The following TMEM255B variants were observed in gnomAD, a reference collection of about 807,000 sequenced individuals.
TMEM255B encodes the protein transmembrane protein 255B.
A neutral mutation model predicts 34.5 loss-of-function variants in TMEM255B; 35 were observed. The ratio of observed to expected loss-of-function variants is 1.01; its 90% CI spans 0.77 to 1.34. TMEM255B has a LOEUF of 1.34. Among genes scored for constraint, TMEM255B ranks in the 40% most tolerant of loss-of-function variants. TMEM255B has a pLI of 0.00. For synonymous variants in TMEM255B, 206 were observed against 201.2 expected (o/e 1.02, Z -0.20); for missense variants, 432 against 433.2 (o/e 1.00, Z 0.02).
intron 7 of TMEM255B, among the ~76,000 whole-genome samples, chr13:113,804,332 C>T (rs1441484523): frequency 6.6e-6 from 1 of 152,212 alleles, no homozygotes; most frequent in Non-Finnish European, 1.5e-5. Context: ...GGGGCACAGG[C>T]TTGGGGAAGC....
chr13:113,775,965 T>C (rs2050570481), intron 3 of TMEM255B, among the ~76,000 whole-genome samples: 1 of 152,184 alleles, frequency 6.6e-6, no homozygotes, highest in Non-Finnish European at 1.5e-5. Context: ...TCGGCAGGTC[T>C]CTGTGTGCAG....
At position 113,801,746 on chromosome 13, in the gene TMEM255B, T is replaced by TCTGAACGTC. The variant is rs1161325678; in HGVS notation, c.607_615dup (p.Asn203_Leu205dup). On this transcript the variant is annotated inframe_insertion, in exon 7 of 9. Coordinates refer to ENST00000375353, the MANE Select transcript of TMEM255B (RefSeq NM_182614.4). The stretch of plus-strand genomic sequence containing the variant: ...ACCGCCTGCTCTGGGCCTCTGCAGT[T>TCTGAACGTC]CTGAACGTCCTGGGCCTGTTCCTGG... The TCTGAACGTC allele has an allele frequency of 6.2e-7, 1 of 1,613,050 alleles. No homozygotes were observed. Among genetic ancestry groups the TCTGAACGTC allele is most frequent in the Non-Finnish European group, 8.5e-7 (1 of 1,179,722 alleles).
intron 3 of TMEM255B, among the ~76,000 whole-genome samples, chr13:113,776,435 C>T (rs2050579120): frequency 6.6e-6 from 1 of 152,208 alleles, no homozygotes; most frequent in South Asian, 2.1e-4. Flanking sequence ...GCGGGCGGCA[C>T]CTGCTTCCTG....
intron 3 of TMEM255B, among the ~76,000 whole-genome samples, chr13:113,774,518 C>T (rs1566724004): frequency 6.6e-6 from 1 of 152,014 alleles, no homozygotes; most frequent in East Asian, 1.9e-4. Flanking sequence ...ACACGACACA[C>T]TCCACACAGT....
In TMEM255B at chr13:113,814,510, A is replaced by T. The variant is rs2051382463; in HGVS notation, c.*2607A>T. 6.6e-6 allele frequency: 1 copy of T among 152,222 alleles called. No individual in the cohort carries two copies. Among genetic ancestry groups the T allele is most frequent in the Non-Finnish European group, 1.5e-5 (1 of 68,054 alleles). The allele number at this position is 152,222 out of a possible 1,614,324, so 9.4% of individuals were successfully genotyped here. On this transcript the variant is annotated 3_prime_UTR_variant, in exon 9 of 9. Transcript: ENST00000375353. ...TTATCCTTTATCCCAGCCACAAAGAATGTGAACAATTTGACTCAAGGTTCG... is the reference window on the plus strand; with the variant it reads ...TTATCCTTTATCCCAGCCACAAAGATTGTGAACAATTTGACTCAAGGTTCG...
intron 8 of TMEM255B, among the ~76,000 whole-genome samples, chr13:113,808,201 A>G (rs1054423400): frequency 6.6e-6 from 1 of 152,114 alleles, no homozygotes; most frequent in Non-Finnish European, 1.5e-5. Context: ...CCCACTTGAG[A>G]CAGTGGGGGA....
chr13:113,770,032 G>A lies in TMEM255B; in HGVS notation c.252+872G>A, dbSNP rs901157311. ...CCGAGAGGGAGGGTGAGATGGCTGG[G>A]CCGCGGTGTATGCCCTCGGAACCCT... On this transcript the variant is annotated intron_variant, in intron 3 of 8. Transcript: ENST00000375353. This position sits in a 1 kb window ranked among gnomAD's most constrained non-coding sequence, Gnocchi z 4.6. 6.6e-6 allele frequency among the ~76,000 whole-genome samples: 1 copy of A among 152,198 alleles called. No homozygotes were observed. The highest frequency in any genetic ancestry group is 6.5e-5 in the Admixed American group (1 of 15,280).
At chr13:113,798,761 A>C (rs1185363072) in intron 4 of TMEM255B, among the ~76,000 whole-genome samples, 1 of 151,714 alleles carries the variant, frequency 6.6e-6, no homozygotes, top group African/African-American at 2.4e-5. Context: ...GGGTGGATGG[A>C]TGGATGTGGA....
intron 1 of TMEM255B, among the ~76,000 whole-genome samples, chr13:113,764,750 G>C (rs573906061): frequency 1.3e-5 from 2 of 152,226 alleles, no homozygotes; most frequent in Non-Finnish European, 2.9e-5. Flanking sequence ...ACAGGGGTGA[G>C]TGTGGCTACT....
intron 1 of TMEM255B, 118 bp from the exon 2 acceptor site, chr13:113,765,997 A>C (rs1947890740): frequency 7.4e-7 from 1 of 1,356,840 alleles, no homozygotes; most frequent in African/African-American, 1.4e-5. Flanking sequence ...GCCTGGAGGC[A>C]GGCGGGGATA....
Position 113,803,533 on chromosome 13 carries a change from G to A in TMEM255B, c.670-1352G>A, listed in dbSNP as rs150157838. On this transcript the variant is annotated intron_variant, in intron 7 of 8. Coordinates refer to ENST00000375353, the MANE Select transcript of TMEM255B (RefSeq NM_182614.4). ...AGGGGCCTCCTCCGCGTGTGACTCC[G>A]TGGCCCCCGTGTTCTCTGCTTTCTG... 1.1e-4 allele frequency among the ~76,000 whole-genome samples: 16 copies of A among 148,040 alleles called. 2 individuals are homozygous for A. The highest frequency in any genetic ancestry group is 1.5e-4 in the African/African-American group (6 of 40,596).
At chr13:113,785,357 G>A (rs1025350470) in intron 3 of TMEM255B, among the ~76,000 whole-genome samples, 5 of 152,230 alleles carry the variant, frequency 3.3e-5, no homozygotes, top group Non-Finnish European at 4.4e-5. Context: ...CCATGACAGA[G>A]GTTGCCCTCC....
chr13:113,780,030 A>T (rs374812820), intron 3 of TMEM255B, among the ~76,000 whole-genome samples: 2 of 152,228 alleles, frequency 1.3e-5, no homozygotes, highest in African/African-American at 2.4e-5. Context: ...ACTTTGTTTT[A>T]TAGAAGGAAT....
rs115285643 is a variant in TMEM255B, at chr13:113,806,073, C to A, written c.813+1045C>A. 8.7e-3 allele frequency among the ~76,000 whole-genome samples: 1,329 copies of A among 152,196 alleles called. 15 individuals are homozygous for A. Among genetic ancestry groups the A allele is most frequent in the African/African-American group, 0.031 (1,290 of 41,520 alleles). ...GTCTTCAGATATTCCACAAGAGGAC[C>A]CTCTCCCGACACATGACGTTGTCAG... On this transcript the variant is annotated intron_variant, in intron 8 of 8. Coordinates refer to ENST00000375353, the MANE Select transcript of TMEM255B (RefSeq NM_182614.4). This position sits in a 1 kb window ranked among gnomAD's most constrained non-coding sequence, Gnocchi z 4.2.
chr13:113,794,139 C>T (rs968063497), intron 3 of TMEM255B, among the ~76,000 whole-genome samples: 15 of 152,170 alleles, frequency 9.9e-5, no homozygotes, highest in East Asian at 7.7e-4. Context: ...GTGAGGGTCA[C>T]GGTCGATGGA....
chr13:113,811,095 C>T (rs1226249894), intron 8 of TMEM255B, among the ~76,000 whole-genome samples: 4 of 151,806 alleles, frequency 2.6e-5, no homozygotes, highest in Admixed American at 1.3e-4. Context: ...GCCACCCTCT[C>T]CTGTTCTGCC....
At chr13:113,775,819 G>A (rs532312397) in intron 3 of TMEM255B, among the ~76,000 whole-genome samples, 1 of 152,356 alleles carries the variant, frequency 6.6e-6, no homozygotes, top group African/African-American at 2.4e-5. Flanking sequence ...TGAGGCCCCA[G>A]CTCTCCGTGC....
At chr13:113,800,517 C>G (rs978327871) in intron 5 of TMEM255B, among the ~76,000 whole-genome samples, 17 of 152,114 alleles carry the variant, frequency 1.1e-4, no homozygotes, top group Admixed American at 1.3e-4. Context: ...CTCCTGGGCT[C>G]TGTCCTTCTG....
intron 1 of TMEM255B, among the ~76,000 whole-genome samples, chr13:113,765,412 ATGTC>A (rs1230000132): frequency 6.6e-6 from 1 of 152,218 alleles, no homozygotes; most frequent in Non-Finnish European, 1.5e-5. Context: ...GGTGTGGACA[ATGTC>A]TGCACGGCCG....
Sources: allele counts gnomAD v4.1 joint callset (sites outside exome capture counted in the v4.1 genomes callset), GRCh38; gene constraint gnomAD v4.1.1; non-coding constraint Gnocchi (gnomAD v3.1); transcripts MANE v1.5; gene names NCBI Gene and HGNC (gene_info 2026-07-23, HGNC 2026-07-21).